SKA2: variants seen among roughly 807,000 people sequenced by gnomAD.
SKA2 encodes spindle and kinetochore-associated protein 2.
Under a neutral mutation model 16.9 loss-of-function variants are expected in SKA2, and 13 were observed. That is an observed-to-expected ratio of 0.77 (90% confidence interval 0.50 to 1.22). The LOEUF (loss-of-function observed/expected upper bound fraction) is 1.22, where lower values mean the gene tolerates loss of function less well. SKA2 is among the 50% of genes most tolerant of loss of function. The probability of loss-of-function intolerance (pLI) is 0.00; values close to 1 mark genes in which losing one functional copy is unlikely to be tolerated. For missense variants in SKA2, 107 were observed against 139.7 expected (o/e 0.77, Z 1.18); for synonymous variants, 47 against 48.5 (o/e 0.97, Z 0.13).
chr17:59,146,226 G>A (rs750642937), intron 1 of SKA2, among the ~76,000 whole-genome samples: 14 of 152,138 alleles, frequency 9.2e-5, no homozygotes, highest in Admixed American at 3.3e-4. Flanking sequence ...CACCAGGCTC[G>A]GTGGCTCATG....
chr17:59,122,105 T>C (rs991297097), intron 2 of SKA2, among the ~76,000 whole-genome samples: 11 of 152,068 alleles, frequency 7.2e-5, no homozygotes, highest in South Asian at 2.1e-4. Flanking sequence ...GAACATGTAG[T>C]GTGTCTGACA....
intron 1 of SKA2, chr17:59,154,865 G>A: frequency 7.1e-7 from 1 of 1,413,754 alleles, no homozygotes; most frequent in African/African-American, 1.4e-5. Flanking sequence ...GGGTGTAAAG[G>A]TGAGGGCAAG....
At chr17:59,134,500 A>G (rs1179463501) in intron 1 of SKA2, among the ~76,000 whole-genome samples, 1 of 152,048 alleles carries the variant, frequency 6.6e-6, no homozygotes, top group Admixed American at 6.6e-5. Flanking sequence ...TTTTAACTTG[A>G]TATTTAGTTC....
chr17:59,118,318 T>C (rs1037686621), intron 3 of SKA2: 7 of 152,164 alleles, frequency 4.6e-5, no homozygotes, highest in Non-Finnish European at 1.0e-4. Context: ...ATGTACCAAT[T>C]TGTAGTCTCA....
intron 2 of SKA2, among the ~76,000 whole-genome samples, chr17:59,120,121 G>A (rs1325491931): frequency 1.3e-5 from 2 of 151,962 alleles, no homozygotes; most frequent in Admixed American, 1.3e-4. Flanking sequence ...TGTTAGCAAG[G>A]ATGGTCTCAA....
chr17:59,136,078 G>GA (rs900949478), intron 1 of SKA2, among the ~76,000 whole-genome samples: 47 of 144,262 alleles, frequency 3.3e-4, no homozygotes, highest in South Asian at 1.3e-3. Context: ...GAGGAAGGAA[G>GA]AAAAAAAAAA....
intron 3 of SKA2, 73 bp from the exon 4 acceptor site, chr17:59,112,418 T>C (rs751425212): frequency 5.6e-6 from 6 of 1,072,534 alleles, no homozygotes; most frequent in Non-Finnish European, 8.4e-6. Flanking sequence ...AACTTCTGCA[T>C]TGTCACACCA....
intron 2 of SKA2, among the ~76,000 whole-genome samples, chr17:59,123,502 A>G (rs1044427285): frequency 1.3e-5 from 2 of 151,318 alleles, no homozygotes; most frequent in Admixed American, 1.3e-4. Flanking sequence ...GGTTGCAGTG[A>G]GCCAAGATCA....
At chr17:59,121,418 G>A (rs2046332776) in intron 2 of SKA2, among the ~76,000 whole-genome samples, 1 of 152,100 alleles carries the variant, frequency 6.6e-6, no homozygotes, top group Admixed American at 6.6e-5. Flanking sequence ...ACTTTGGGAA[G>A]CCGAGACGGG....
At position 59,110,963 on chromosome 17, in the gene SKA2, C is replaced by T. The variant is rs1347377915; in HGVS notation, c.*1314G>A. ...ATTACATAAAAGTATAATTCTATAA[C>T]CTGCAGAACTAACATTTGATGCATT... On this transcript the variant is annotated 3_prime_UTR_variant, in exon 4 of 4. Coordinates refer to ENST00000330137, the MANE Select transcript of SKA2 (RefSeq NM_182620.4). 1 of 152,064 alleles carries T rather than the reference C, an allele frequency of 6.6e-6. No individual in the cohort carries two copies. The highest frequency in any genetic ancestry group is 1.5e-5 in the Non-Finnish European group (1 of 68,018). The allele number at this position is 152,064 out of a possible 1,614,324, so 9.4% of individuals were successfully genotyped here.
In SKA2 at chr17:59,110,813, G is replaced by T. The variant is rs900469857; in HGVS notation, c.*1464C>A. On this transcript the variant is annotated 3_prime_UTR_variant, in exon 4 of 4. Transcript: ENST00000330137. ...CAAAAAAAAAAAAAAAAAAAAAAAG[G>T]CTTTCTGTTCTTGAAATATTCAAAC... The T allele has an allele frequency of 1.4e-5, 2 of 145,934 alleles. No individual in the cohort carries two copies. Among genetic ancestry groups the T allele is most frequent in the East Asian group, 2.0e-4 (1 of 5,122 alleles). 9.0% of individuals were successfully genotyped at this position (145,934 alleles called of 1,614,324 possible).
chr17:59,118,902 A>G (rs1467661861), intron 3 of SKA2, among the ~76,000 whole-genome samples: 1 of 152,188 alleles, frequency 6.6e-6, no homozygotes, highest in Non-Finnish European at 1.5e-5. Context: ...TGGCAAATAA[A>G]TATCACATAT....
intron 1 of SKA2, among the ~76,000 whole-genome samples, chr17:59,143,527 G>A (rs1449200440): frequency 6.6e-6 from 1 of 151,946 alleles, no homozygotes; most frequent in Non-Finnish European, 1.5e-5. Context: ...GATTACAAAC[G>A]TGCCCAGCTA....
rs569934567 is a variant in SKA2 at position 59,130,457 on chromosome 17, CAAAAAAAAA to C, written c.120+815_120+823del. Among the ~76,000 whole-genome samples the C allele has an allele frequency of 2.0e-4, 14 of 70,396 alleles. 1 individual carries two copies. The highest frequency in any genetic ancestry group is 3.7e-4 in the African/African-American group (8 of 21,538). The allele number at this position is 70,396 out of a possible 152,430, so 46.2% of individuals were successfully genotyped here. A position where few individuals can be genotyped will look rare whatever the true frequency, so the allele number is the denominator to read the frequency against. On this transcript the variant is annotated intron_variant, in intron 2 of 3. Coordinates refer to ENST00000330137, the MANE Select transcript of SKA2 (RefSeq NM_182620.4). ...TGAAACTCCGTCTCTACTAAAAATA[CAAAAAAAAA>C]AAAAAAAAAAAAAATTAGCTGGGCA...
At chr17:59,127,667 A>G (rs1016247169) in intron 2 of SKA2, among the ~76,000 whole-genome samples, 12 of 151,634 alleles carry the variant, frequency 7.9e-5, no homozygotes, top group African/African-American at 2.9e-4. Context: ...GATTACAGGC[A>G]TGAGCCACCA....
chr17:59,149,482 G>C (rs1438149918), intron 1 of SKA2, among the ~76,000 whole-genome samples: 1 of 151,956 alleles, frequency 6.6e-6, no homozygotes, highest in Admixed American at 6.6e-5. Flanking sequence ...CTCCAGCCTG[G>C]GTGACAGTAT....
chr17:59,113,469 C>T lies in SKA2; in HGVS notation c.298-1124G>A, dbSNP rs192107999. On this transcript the variant is annotated intron_variant, in intron 3 of 3. Transcript: ENST00000330137. ...ACCTGGGAGGCGGAGGCTGCAGTGA[C>T]CCAAGATCGCACCACTGAACTCCAT... Among the ~76,000 whole-genome samples, 14 of 150,850 alleles carry T rather than the reference C, an allele frequency of 9.3e-5. No homozygotes were observed. The East Asian group carries it at 2.4e-3, about 26-fold the overall frequency.
intron 1 of SKA2, among the ~76,000 whole-genome samples, chr17:59,135,261 C>T (rs963171009): frequency 7.3e-5 from 11 of 150,474 alleles, no homozygotes; most frequent in Non-Finnish European, 1.5e-4. Context: ...TAGGAAGATA[C>T]CAAAGAGTAC....
chr17:59,123,716 T>C (rs901691159), intron 2 of SKA2, among the ~76,000 whole-genome samples: 4 of 152,110 alleles, frequency 2.6e-5, no homozygotes, highest in East Asian at 3.9e-4. Context: ...ATCAGGCCTA[T>C]AGTAGGAAAT....
Sources: allele counts gnomAD v4.1 joint callset (sites outside exome capture counted in the v4.1 genomes callset), GRCh38; gene constraint gnomAD v4.1.1; transcripts MANE v1.5; gene names NCBI Gene and HGNC (gene_info 2026-07-23, HGNC 2026-07-21).